ITFG1: variants seen among roughly 807,000 people sequenced by gnomAD.
ITFG1 encodes the protein T-cell immunomodulatory protein.
ITFG1 carries 34 observed loss-of-function variants against 81.8 expected under a neutral mutation model. The observed-to-expected ratio is 0.42, with a 90% confidence interval of 0.32 to 0.55. The LOEUF (loss-of-function observed/expected upper bound fraction) is 0.55, where lower values mean the gene tolerates loss of function less well. Among genes scored for constraint, ITFG1 ranks in the 20% least tolerant of loss-of-function variants. The probability of loss-of-function intolerance (pLI) is 0.17; values close to 1 mark genes in which losing one functional copy is unlikely to be tolerated. For missense variants in ITFG1, 672 were observed against 755.4 expected (o/e 0.89, Z 1.29); for synonymous variants, 285 against 270.6 (o/e 1.05, Z -0.52).
At position 47,347,731 on chromosome 16, in the gene ITFG1, C is replaced by T. The variant is rs540754973; in HGVS notation, c.802+18057G>A. Reference sequence around the variant, plus strand: ...CAGCACAGAGTCTGAGATCTGAGAACGGACAGACTGCCTCCTCAAGTGGGT... The same window carrying T: ...CAGCACAGAGTCTGAGATCTGAGAATGGACAGACTGCCTCCTCAAGTGGGT... On this transcript the variant is annotated intron_variant, in intron 8 of 17. Transcript: ENST00000320640. Among the ~76,000 whole-genome samples the T allele has an allele frequency of 1.8e-4, 27 of 152,322 alleles. 1 individual carries two copies. The highest frequency in any genetic ancestry group is 6.2e-4 in the South Asian group (3 of 4,826).
chr16:47,451,553 G>A (rs1432448476), intron 4 of ITFG1, 83 bp from the exon 5 acceptor site: 1 of 740,060 alleles, frequency 1.4e-6, no homozygotes, highest in African/African-American at 1.8e-5. Flanking sequence ...GTAACTTTTG[G>A]GAAGTGTGGT....
intron 12 of ITFG1, among the ~76,000 whole-genome samples, chr16:47,243,267 A>G (rs1056249714): frequency 9.2e-5 from 14 of 152,180 alleles, no homozygotes; most frequent in Non-Finnish European, 1.9e-4. Flanking sequence ...CTTAGATACA[A>G]AGTGGTTGTC....
intron 8 of ITFG1, among the ~76,000 whole-genome samples, chr16:47,325,931 T>G (rs989956505): frequency 6.6e-6 from 1 of 152,052 alleles, no homozygotes; most frequent in Non-Finnish European, 1.5e-5. Flanking sequence ...ATGAAACTAC[T>G]CCAATCAACA....
chr16:47,390,324 C>T (rs1249064135), intron 6 of ITFG1, among the ~76,000 whole-genome samples: 1 of 152,124 alleles, frequency 6.6e-6, no homozygotes, highest in Admixed American at 6.5e-5. Flanking sequence ...GTTTTTAAGT[C>T]TTTGCTCTTT....
chr16:47,442,602 C>A (rs2151615224), intron 5 of ITFG1, among the ~76,000 whole-genome samples: 1 of 152,258 alleles, frequency 6.6e-6, no homozygotes, highest in South Asian at 2.1e-4. Context: ...TGTCGCATAT[C>A]TACAACTATC....
chr16:47,263,166 T>C lies in ITFG1; in HGVS notation c.1071-2471A>G, dbSNP rs1966231388. The C allele has an allele frequency of 1.7e-5, 5 of 301,868 alleles. 1 individual carries two copies. The allele number at this position is 301,868 out of a possible 1,614,324, so 18.7% of individuals were successfully genotyped here. On this transcript the variant is annotated intron_variant, in intron 10 of 17. Transcript: ENST00000320640. ...CAGTACAAAGGCATGGGGCTGTCCATAGGCAACATGATCTGTGGCTGGGAT... is the reference window on the plus strand; with the variant it reads ...CAGTACAAAGGCATGGGGCTGTCCACAGGCAACATGATCTGTGGCTGGGAT...
chr16:47,242,726 G>C (rs548896494), intron 12 of ITFG1, among the ~76,000 whole-genome samples: 1 of 152,066 alleles, frequency 6.6e-6, no homozygotes. Context: ...ACTGTAGGTC[G>C]AAGTAGAAAA....
At chr16:47,425,562 T>C (rs1354295333) in intron 6 of ITFG1, among the ~76,000 whole-genome samples, 2 of 151,358 alleles carry the variant, frequency 1.3e-5, no homozygotes, top group Non-Finnish European at 2.9e-5. Flanking sequence ...GAGGTGTTCC[T>C]ATTTGGCCAT....
intron 9 of ITFG1, 23 bp from the exon 10 acceptor site, chr16:47,311,435 C>T: frequency 1.3e-6 from 2 of 1,551,928 alleles, no homozygotes; most frequent in Non-Finnish European, 1.7e-6. Context: ...AGAAAAAGAT[C>T]AGACTTTATA....
At chr16:47,436,513 G>A (rs1969168620) in intron 5 of ITFG1, among the ~76,000 whole-genome samples, 1 of 152,018 alleles carries the variant, frequency 6.6e-6, no homozygotes, top group African/African-American at 2.4e-5. Context: ...AAATATATTA[G>A]TTTATTTATC....
chr16:47,450,517 C>A, intron 5 of ITFG1: 1 of 328,928 alleles, frequency 3.0e-6, no homozygotes, highest in Non-Finnish European at 5.8e-6. Context: ...TAAAAATTTT[C>A]ACAATTTACT....
intron 8 of ITFG1, among the ~76,000 whole-genome samples, chr16:47,320,581 T>C (rs531789747): frequency 2.0e-5 from 3 of 152,350 alleles, no homozygotes; most frequent in South Asian, 2.1e-4. Context: ...ACTAAATCTC[T>C]TTCACTTTGT....
chr16:47,339,204 T>C (rs1334615092), intron 8 of ITFG1, among the ~76,000 whole-genome samples: 1 of 152,224 alleles, frequency 6.6e-6, no homozygotes, highest in Non-Finnish European at 1.5e-5. Flanking sequence ...CATTCATCTG[T>C]TGATGGACTT....
At chr16:47,348,533 A>G (rs555312491) in intron 8 of ITFG1, among the ~76,000 whole-genome samples, 3 of 152,354 alleles carry the variant, frequency 2.0e-5, no homozygotes, top group Non-Finnish European at 2.9e-5. Context: ...AGAAATGAAT[A>G]AAGCCTCCAA....
intron 13 of ITFG1, among the ~76,000 whole-genome samples, chr16:47,225,252 A>G (rs1411638066): frequency 6.6e-6 from 1 of 152,160 alleles, no homozygotes; most frequent in Admixed American, 6.6e-5. Flanking sequence ...GAAGGATAGA[A>G]AAAAAGGGAA....
chr16:47,207,965 G>C (rs1965522086), intron 14 of ITFG1, among the ~76,000 whole-genome samples: 1 of 152,128 alleles, frequency 6.6e-6, no homozygotes, highest in African/African-American at 2.4e-5. Context: ...TAAGCCCTTA[G>C]TATGCATTAT....
intron 8 of ITFG1, among the ~76,000 whole-genome samples, chr16:47,363,088 G>A (rs929582059): frequency 3.3e-5 from 5 of 151,838 alleles, no homozygotes; most frequent in Non-Finnish European, 7.4e-5. Flanking sequence ...TGGTAGAGAT[G>A]GGGTTTCATC....
chr16:47,200,830 C>CT (rs1483412425), intron 14 of ITFG1, among the ~76,000 whole-genome samples: 1 of 152,112 alleles, frequency 6.6e-6, no homozygotes, highest in Non-Finnish European at 1.5e-5. Flanking sequence ...AATTAACTCT[C>CT]TAGGTGATTT....
intron 5 of ITFG1, among the ~76,000 whole-genome samples, chr16:47,434,585 T>G (rs1969141641): frequency 6.6e-6 from 1 of 152,108 alleles, no homozygotes; most frequent in Admixed American, 6.5e-5. Flanking sequence ...AAAGGAACAC[T>G]TTTACACTGT....
Sources: allele counts gnomAD v4.1 joint callset (sites outside exome capture counted in the v4.1 genomes callset), GRCh38; gene constraint gnomAD v4.1.1; transcripts MANE v1.5; gene names NCBI Gene and HGNC (gene_info 2026-07-23, HGNC 2026-07-21).